The following RTN1 variants were observed in gnomAD, a reference collection of about 807,000 sequenced individuals.
RTN1 encodes reticulon 1, also known as reticulon-1.
RTN1 carries 25 observed loss-of-function variants against 65.5 expected under a neutral mutation model. The ratio of observed to expected loss-of-function variants is 0.38; its 90% confidence interval spans 0.28 to 0.53. The LOEUF (loss-of-function observed/expected upper bound fraction) is 0.53, where lower values mean the gene tolerates loss of function less well. Ranked by LOEUF, RTN1 falls within the 20% of genes least tolerant of loss-of-function variation. RTN1 has a pLI of 0.79. For missense variants in RTN1, 983 were observed against 1,025.4 expected (o/e 0.96, Z 0.57); for synonymous variants, 471 against 447.6 (o/e 1.05, Z -0.66).
At position 59,727,525 on chromosome 14, in the gene RTN1, T is replaced by C; in HGVS notation, c.1159A>G (p.Lys387Glu). Residue 387 changes from lysine to glutamate, a missense_variant, in exon 3 of 9, where the codon AAG becomes GAG. Physicochemically the swap from Lys to Glu is moderately conservative, Grantham distance 56. Coordinates refer to ENST00000267484, the MANE Select transcript of RTN1 (RefSeq NM_021136.3). The surrounding 1 kb of genome is among the most constrained non-coding windows in gnomAD (Gnocchi z 4.2). ...ATGGTTGGCGGTCCGGACCTGGCCT[T>C]GACCTCGGGCCTGTCGGCCAGCTGG... is the stretch of plus-strand genomic sequence containing the variant. ...VGQLADRPEV[K>E]ARSGPPTIPS... is the part of the protein sequence containing the mutation. 1 of 1,606,980 alleles carries C rather than the reference T, an allele frequency of 6.2e-7. No individual in the cohort carries two copies. The highest frequency in any genetic ancestry group is 8.5e-7 in the Non-Finnish European group (1 of 1,177,456).
chr14:59,750,240 TATATCTATAATATATAATATATATA>T (rs1566713428), intron 1 of RTN1, among the ~76,000 whole-genome samples: 4 of 44,408 alleles, frequency 9.0e-5, no homozygotes, highest in Non-Finnish European at 1.6e-4. Context: ...ATATATATAT[TATATCTATAATATATAATATATATA>T]ATATCTATAA....
chr14:59,717,504 A>G (rs1172731015), intron 3 of RTN1, among the ~76,000 whole-genome samples: 2 of 152,172 alleles, frequency 1.3e-5, no homozygotes, highest in Non-Finnish European at 2.9e-5. Context: ...GAGATCACCC[A>G]GAGGACTCCT....
At position 59,846,762 on chromosome 14, in the gene RTN1, T is replaced by A. The variant is rs75017833; in HGVS notation, c.241+23628A>T. On this transcript the variant is annotated intron_variant, in intron 1 of 8. Coordinates refer to ENST00000267484, the MANE Select transcript of RTN1 (RefSeq NM_021136.3). This position sits in a 1 kb window ranked among gnomAD's most constrained non-coding sequence, Gnocchi z 4.8. ...GTGTAGTCTGGCTCCAAGTGCCCCTTGGTTCGTAGCCAGGTGTCCGCATAC... is the reference window on the plus strand; with the variant it reads ...GTGTAGTCTGGCTCCAAGTGCCCCTAGGTTCGTAGCCAGGTGTCCGCATAC... Among the ~76,000 whole-genome samples the A allele has an allele frequency of 7.3e-3, 1,104 of 152,240 alleles. 4 individuals carry two copies. Among genetic ancestry groups the A allele is most frequent in the Non-Finnish European group, 0.012 (822 of 67,998 alleles).
intron 3 of RTN1, among the ~76,000 whole-genome samples, chr14:59,611,980 C>T (rs1881965344): frequency 6.6e-6 from 1 of 152,192 alleles, no homozygotes; most frequent in African/African-American, 2.4e-5. Flanking sequence ...GGGTGACTAT[C>T]TGCTTTTTGC....
intron 1 of RTN1, among the ~76,000 whole-genome samples, chr14:59,856,503 A>G (rs566492683): frequency 5.3e-5 from 8 of 152,266 alleles, no homozygotes; most frequent in South Asian, 2.1e-4. Flanking sequence ...AATAGATTCC[A>G]TCTGCTGTCC....
chr14:59,746,223 C>T lies in RTN1; in HGVS notation c.500G>A (p.Gly167Glu), dbSNP rs575605250. ...ESRGLFSSDS[G>E]IEMTPAESTE... ...GGACTCTGCAGGAGTCATCTCTATTCCAGAATCAGAACTAAATAAGCCACG... is the reference window on the plus strand; with the variant it reads ...GGACTCTGCAGGAGTCATCTCTATTTCAGAATCAGAACTAAATAAGCCACG... Residue 167 changes from glycine to glutamate, a missense_variant, in exon 2 of 9, where the codon GGA becomes GAA. Physicochemically the swap from Gly to Glu is moderately conservative, Grantham distance 98. Around this residue, in one of 2 missense-constraint regions of RTN1, gnomAD observed 818 missense variants for 801.8 expected, o/e 1.02. Transcript: ENST00000267484. The T allele has an allele frequency of 1.2e-6, 2 of 1,612,678 alleles. No individual in the cohort carries two copies. The highest frequency in any genetic ancestry group is 2.7e-5 in the African/African-American group (2 of 74,940).
intron 1 of RTN1, among the ~76,000 whole-genome samples, chr14:59,789,070 G>A (rs1188126922): frequency 6.6e-6 from 1 of 151,684 alleles, no homozygotes; most frequent in East Asian, 1.9e-4. Flanking sequence ...TTAAGCATTT[G>A]ATTATCATTA....
intron 8 of RTN1, among the ~76,000 whole-genome samples, chr14:59,598,606 T>C (rs1453509461): frequency 6.6e-6 from 1 of 152,118 alleles, no homozygotes; most frequent in East Asian, 1.9e-4. Context: ...ATGGTGACCA[T>C]CTAACTTCTA....
At chr14:59,700,754 T>C (rs1594686375) in intron 3 of RTN1, among the ~76,000 whole-genome samples, 1 of 152,136 alleles carries the variant, frequency 6.6e-6, no homozygotes, top group African/African-American at 2.4e-5. Context: ...ACTAAAACTT[T>C]AAAACTCTTA....
rs375889807 is a variant in RTN1 at position 59,603,813 on chromosome 14, G to A, written c.2182+39C>T. ...CCTAGGAAGCAGCGTTTTCACAGAG[G>A]GGGTGAAGGAAGACGTATACAGTCT... is the stretch of plus-strand genomic sequence containing the variant. On this transcript the variant is annotated intron_variant, in intron 6 of 8. Coordinates refer to ENST00000267484, the MANE Select transcript of RTN1 (RefSeq NM_021136.3). 2.0e-5 allele frequency: 31 copies of A among 1,531,582 alleles called. No homozygotes were observed. The East Asian group carries it at 4.3e-4, about 21-fold the overall frequency. 94.9% of individuals were successfully genotyped at this position (1,531,582 alleles called of 1,614,324 possible). A position where few individuals can be genotyped will look rare whatever the true frequency, so the allele number is the denominator to read the frequency against.
intron 3 of RTN1, among the ~76,000 whole-genome samples, chr14:59,665,656 A>G: frequency 6.6e-6 from 1 of 152,200 alleles, no homozygotes; most frequent in East Asian, 1.9e-4. Flanking sequence ...CAAATTGGAT[A>G]AAGAGTCAAG....
At chr14:59,792,622 A>G (rs1209759477) in intron 1 of RTN1, among the ~76,000 whole-genome samples, 1 of 152,126 alleles carries the variant, frequency 6.6e-6, no homozygotes, top group African/African-American at 2.4e-5. Flanking sequence ...AAAATCGTCC[A>G]TTTCTCACTT....
intron 3 of RTN1, among the ~76,000 whole-genome samples, chr14:59,609,597 T>G (rs894023641): frequency 1.3e-5 from 2 of 151,928 alleles, no homozygotes; most frequent in African/African-American, 4.8e-5. Context: ...AGCTCCTGGG[T>G]TGAATGGATT....
intron 3 of RTN1, among the ~76,000 whole-genome samples, chr14:59,705,554 TA>T (rs1403796136): frequency 6.6e-6 from 1 of 152,206 alleles, no homozygotes; most frequent in Non-Finnish European, 1.5e-5. Context: ...CCTTTCTCCC[TA>T]AAGTAAGAAG....
intron 1 of RTN1, among the ~76,000 whole-genome samples, chr14:59,777,796 CAA>C (rs1886079145): frequency 1.6e-5 from 2 of 124,500 alleles, no homozygotes; most frequent in Non-Finnish European, 3.3e-5. Flanking sequence ...CAAGTCAAGA[CAA>C]AACAACAACA....
rs1368998171 is a variant in RTN1 at position 59,794,352 on chromosome 14, T to C, written c.242-47871A>G. ...AGAGGAAGGCAGATGGAAGGAATTA[T>C]AGACAAAAAGCATCACAAACTTGAA... On this transcript the variant is annotated intron_variant, in intron 1 of 8. Coordinates refer to ENST00000267484, the MANE Select transcript of RTN1 (RefSeq NM_021136.3). The surrounding 1 kb of genome is among the most constrained non-coding windows in gnomAD (Gnocchi z 5.1). 2.6e-5 allele frequency among the ~76,000 whole-genome samples: 4 copies of C among 152,178 alleles called. No homozygotes were observed. The highest frequency in any genetic ancestry group is 4.4e-5 in the Non-Finnish European group (3 of 68,028).
At chr14:59,619,918 G>A (rs2140175497) in intron 3 of RTN1, among the ~76,000 whole-genome samples, 1 of 152,244 alleles carries the variant, frequency 6.6e-6, no homozygotes, top group Non-Finnish European at 1.5e-5. Context: ...TATGAGTAGT[G>A]GGGACGGAAG....
At position 59,596,850 on chromosome 14, in the gene RTN1, T is replaced by C. The variant is rs184547648; in HGVS notation, c.2289-63A>G. 384 of 1,325,426 alleles carry C rather than the reference T, an allele frequency of 2.9e-4. 1 individual carries two copies. In the African/African-American group the frequency reaches 4.8e-3, roughly 17 times the overall value. 82.1% of individuals were successfully genotyped at this position (1,325,426 alleles called of 1,614,324 possible). Reference sequence around the variant, plus strand: ...GTTATTAATGAAATCATTTTATGTGTTGTTGCTTTAATTAGCTAAGTGACC... The same window carrying C: ...GTTATTAATGAAATCATTTTATGTGCTGTTGCTTTAATTAGCTAAGTGACC... On this transcript the variant is annotated intron_variant, in intron 8 of 8. Transcript: ENST00000267484.
At chr14:59,632,506 G>A (rs1882575575) in intron 3 of RTN1, among the ~76,000 whole-genome samples, 1 of 152,172 alleles carries the variant, frequency 6.6e-6, no homozygotes, top group Non-Finnish European at 1.5e-5. Flanking sequence ...TGCCCTGGCT[G>A]CTTTTCAGTT....
Sources: allele counts gnomAD v4.1 joint callset (sites outside exome capture counted in the v4.1 genomes callset), GRCh38; gene constraint gnomAD v4.1.1; regional missense constraint gnomAD v4.1.1; non-coding constraint Gnocchi (gnomAD v3.1); transcripts MANE v1.5; gene names NCBI Gene and HGNC (gene_info 2026-07-23, HGNC 2026-07-21).